Variants in GPC6 observed in about 807,000 individuals in gnomAD.
The protein encoded by GPC6 is glypican-6.
GPC6 carries 14 observed loss-of-function variants against 55.2 expected under a neutral mutation model. That is an observed-to-expected ratio of 0.25 (90% CI 0.17 to 0.40). The LOEUF (loss-of-function observed/expected upper bound fraction) is 0.40, where lower values mean the gene tolerates loss of function less well. GPC6 is among the 10% of genes least tolerant of loss of function. GPC6 has a pLI of 1.00. For synonymous variants in GPC6, 278 were observed against 259.6 expected (o/e 1.07, Z -0.68); for missense variants, 641 against 708.5 (o/e 0.90, Z 1.08).
chr13:93,374,979 A>G (rs1874824983), intron 1 of GPC6, among the ~76,000 whole-genome samples: 1 of 152,144 alleles, frequency 6.6e-6, no homozygotes, highest in East Asian at 1.9e-4. Context: ...TTTGAGGAGT[A>G]CCATGGAGTC....
At chr13:93,786,028 A>G (rs891125621) in intron 2 of GPC6, among the ~76,000 whole-genome samples, 2 of 152,224 alleles carry the variant, frequency 1.3e-5, no homozygotes, top group African/African-American at 2.4e-5. Flanking sequence ...TTGTCTGTTA[A>G]CATACATTAA....
intron 2 of GPC6, among the ~76,000 whole-genome samples, chr13:93,568,960 A>C (rs1012421767): frequency 6.6e-6 from 1 of 152,122 alleles, no homozygotes; most frequent in African/African-American, 2.4e-5. Context: ...GAGAGTTGCA[A>C]AGATAGGGAA....
chr13:94,254,052 G>T (rs1891434134), intron 4 of GPC6, among the ~76,000 whole-genome samples: 1 of 152,068 alleles, frequency 6.6e-6, no homozygotes, highest in South Asian at 2.1e-4. Flanking sequence ...GACACAATGA[G>T]TGAAAATGCA....
intron 4 of GPC6, among the ~76,000 whole-genome samples, chr13:94,235,587 A>G (rs780226820): frequency 2.8e-4 from 42 of 152,260 alleles, no homozygotes; most frequent in Admixed American, 1.3e-3. Flanking sequence ...TAGAGTACAC[A>G]TGGATATTTC....
intron 2 of GPC6, among the ~76,000 whole-genome samples, chr13:93,620,977 A>G (rs115949584): frequency 6.6e-6 from 1 of 152,214 alleles, no homozygotes; most frequent in East Asian, 1.9e-4. Context: ...ATGAGTGTTT[A>G]TTGAATAGCT....
intron 3 of GPC6, among the ~76,000 whole-genome samples, chr13:94,016,061 A>G (rs1882453866): frequency 6.6e-6 from 1 of 152,156 alleles, no homozygotes; most frequent in Non-Finnish European, 1.5e-5. Context: ...CCCTATCCCC[A>G]GGTAACTGTC....
At chr13:93,506,733 G>A (rs1880728171) in intron 1 of GPC6, among the ~76,000 whole-genome samples, 1 of 151,816 alleles carries the variant, frequency 6.6e-6, no homozygotes, top group South Asian at 2.1e-4. Flanking sequence ...AGACTATAAG[G>A]AATGTACTTT....
chr13:93,471,644 T>G (rs778119181), intron 1 of GPC6, among the ~76,000 whole-genome samples: 3 of 152,182 alleles, frequency 2.0e-5, no homozygotes, highest in Non-Finnish European at 4.4e-5. Flanking sequence ...ACCCATAGAT[T>G]ATTTAGAAGT....
At chr13:93,263,793 A>T (rs1199789106) in intron 1 of GPC6, among the ~76,000 whole-genome samples, 1 of 152,218 alleles carries the variant, frequency 6.6e-6, no homozygotes, top group Non-Finnish European at 1.5e-5. Context: ...TTACACGTGC[A>T]TATTTTCATG....
At chr13:93,672,042 A>C (rs1881379624) in intron 2 of GPC6, among the ~76,000 whole-genome samples, 1 of 152,108 alleles carries the variant, frequency 6.6e-6, no homozygotes, top group Non-Finnish European at 1.5e-5. Flanking sequence ...AATGCCCTTA[A>C]GCAAATTCTA....
chr13:93,879,275 T>G (rs2140308225), intron 3 of GPC6, among the ~76,000 whole-genome samples: 1 of 152,216 alleles, frequency 6.6e-6, no homozygotes, highest in Middle Eastern at 3.4e-3. Flanking sequence ...TGCCTTTGGT[T>G]TGAAAGCTGG....
chr13:94,129,265 T>C (rs779687308), intron 4 of GPC6, among the ~76,000 whole-genome samples: 3 of 152,146 alleles, frequency 2.0e-5, no homozygotes, highest in Non-Finnish European at 2.9e-5. Flanking sequence ...TAAGCTGTGC[T>C]GGACAACTAC....
intron 3 of GPC6, among the ~76,000 whole-genome samples, chr13:93,893,301 C>A (rs968677875): frequency 6.6e-6 from 1 of 152,114 alleles, no homozygotes; most frequent in African/African-American, 2.4e-5. Flanking sequence ...TCAGGTGATC[C>A]GCCTCGGCCT....
At chr13:93,995,976 A>T (rs993051087) in intron 3 of GPC6, among the ~76,000 whole-genome samples, 1 of 152,184 alleles carries the variant, frequency 6.6e-6, no homozygotes, top group Admixed American at 6.5e-5. Flanking sequence ...ATCCTAAGAA[A>T]ACTTACATTG....
At chr13:94,201,424 A>C (rs930434114) in intron 4 of GPC6, among the ~76,000 whole-genome samples, 9 of 152,186 alleles carry the variant, frequency 5.9e-5, no homozygotes, top group African/African-American at 2.2e-4. Context: ...TGTTAGAGGT[A>C]ACTTGACGAT....
intron 4 of GPC6, among the ~76,000 whole-genome samples, chr13:94,123,145 G>C (rs1296572000): frequency 2.0e-5 from 3 of 151,848 alleles, no homozygotes. Context: ...AAAACTGTGA[G>C]ACATAGACAA....
At chr13:93,927,152 A>G (rs1445393741) in intron 3 of GPC6, among the ~76,000 whole-genome samples, 4 of 152,206 alleles carry the variant, frequency 2.6e-5, no homozygotes, top group Non-Finnish European at 4.4e-5. Flanking sequence ...GACAGCCTAG[A>G]ATTAAGTAAC....
intron 2 of GPC6, among the ~76,000 whole-genome samples, chr13:93,688,682 T>A (rs985220316): frequency 1.3e-5 from 2 of 151,994 alleles, no homozygotes; most frequent in African/African-American, 4.8e-5. Flanking sequence ...GAGACAACAA[T>A]TGCATGATTT....
chr13:93,625,624 T>C (rs1193625367), intron 2 of GPC6, among the ~76,000 whole-genome samples: 1 of 152,208 alleles, frequency 6.6e-6, no homozygotes, highest in Non-Finnish European at 1.5e-5. Context: ...TTCTCCACTG[T>C]GCAGTCTAGC....
Sources: allele counts gnomAD v4.1 joint callset (sites outside exome capture counted in the v4.1 genomes callset), GRCh38; gene constraint gnomAD v4.1.1; transcripts MANE v1.5; gene names NCBI Gene and HGNC (gene_info 2026-07-23, HGNC 2026-07-21).